UBE2R2: variants seen among roughly 807,000 people sequenced by gnomAD.
UBE2R2 encodes the protein ubiquitin-conjugating enzyme E2 R2.
Under a neutral mutation model 27.8 loss-of-function variants are expected in UBE2R2, and 1 was observed. The ratio of observed to expected loss-of-function variants is 0.04; its 90% CI spans 0.01 to 0.17. The LOEUF (loss-of-function observed/expected upper bound fraction) is 0.17. Ranked by LOEUF, UBE2R2 falls within the 10% of genes least tolerant of loss-of-function variation. The pLI is 1.00. For synonymous variants in UBE2R2, 106 were observed against 113.3 expected, an observed-to-expected ratio of 0.94 and a Z score of 0.41; for missense variants, 100 against 291.0, an observed-to-expected ratio of 0.34 and a Z score of 4.78.
chr9:33,817,489 T>G lies in UBE2R2; in HGVS notation c.-269T>G. On this transcript the variant is annotated 5_prime_UTR_variant, in exon 1 of 5. Transcript: ENST00000263228. ...GGGGGAGGCCCGGGACCGGGACCCG[T>G]AGCGAATTCTCCTAACTCCCTCGAC... The G allele has an allele frequency of 5.9e-6, 1 of 170,436 alleles. No individual in the cohort carries two copies. Among genetic ancestry groups the G allele is most frequent in the Non-Finnish European group, 1.2e-5 (1 of 83,334 alleles). 10.6% of individuals were successfully genotyped at this position (170,436 alleles called of 1,614,324 possible). A position where few individuals can be genotyped will look rare whatever the true frequency, so the allele number is the denominator to read the frequency against.
At chr9:33,898,782 T>TTAAA (rs1822181321) in intron 2 of UBE2R2, among the ~76,000 whole-genome samples, 1 of 152,094 alleles carries the variant, frequency 6.6e-6, no homozygotes, top group Non-Finnish European at 1.5e-5. Flanking sequence ...CAGAAAGAAG[T>TTAAA]TAAATAAATA....
intron 1 of UBE2R2, among the ~76,000 whole-genome samples, chr9:33,859,238 AT>A (rs1173348910): frequency 2.0e-4 from 30 of 152,314 alleles, no homozygotes; most frequent in Admixed American, 1.4e-3. Flanking sequence ...TCAAAATGTA[AT>A]TGTTACTATA....
chr9:33,839,427 G>A (rs13296565), intron 1 of UBE2R2, among the ~76,000 whole-genome samples: 1 of 152,032 alleles, frequency 6.6e-6, no homozygotes, highest in Non-Finnish European at 1.5e-5. Context: ...TAGTAGAGAC[G>A]GAGTTTCGCC....
chr9:33,886,994 T>G, intron 2 of UBE2R2, 27 bp downstream of exon 2: 2 of 1,562,916 alleles, frequency 1.3e-6, no homozygotes, highest in Non-Finnish European at 1.7e-6. Flanking sequence ...CATAAATTTC[T>G]CTGAAGATTT....
Position 33,817,616 on chromosome 9 carries a change from G to A in UBE2R2, c.-142G>A, listed in dbSNP as rs1372238414. On this transcript the variant is annotated 5_prime_UTR_variant, in exon 1 of 5. Transcript: ENST00000263228. Reference sequence around the variant, plus strand: ...GGGCCCACGGGCCGTGTGGGGCCTGGTCTGGCCCGCCGGGTGTGTGAAGAC... The same window carrying A: ...GGGCCCACGGGCCGTGTGGGGCCTGATCTGGCCCGCCGGGTGTGTGAAGAC... 2 of 1,029,096 alleles carry A rather than the reference G, an allele frequency of 1.9e-6. No individual in the cohort carries two copies. The highest frequency in any genetic ancestry group is 2.4e-6 in the Non-Finnish European group (2 of 842,190). 63.7% of individuals were successfully genotyped at this position (1,029,096 alleles called of 1,614,324 possible). A position where few individuals can be genotyped will look rare whatever the true frequency, so the allele number is the denominator to read the frequency against.
intron 1 of UBE2R2, among the ~76,000 whole-genome samples, chr9:33,863,127 G>A (rs2130769794): frequency 6.6e-6 from 1 of 150,430 alleles, no homozygotes. Context: ...GGCAGAGGTT[G>A]CAGTGAGCCA....
intron 3 of UBE2R2, among the ~76,000 whole-genome samples, chr9:33,905,522 CTG>C (rs1822335173): frequency 6.6e-6 from 1 of 152,232 alleles, no homozygotes. Flanking sequence ...CATTTAAAAA[CTG>C]TAGTTGTATT....
In UBE2R2 at chr9:33,885,923, A is replaced by AG. The variant is rs1587468891; in HGVS notation, c.178-957dup. Among the ~76,000 whole-genome samples the AG allele has an allele frequency of 5.3e-5, 8 of 152,322 alleles. No individual in the cohort carries two copies. The East Asian group carries it at 1.5e-3, about 29-fold the overall frequency. On this transcript the variant is annotated intron_variant, in intron 1 of 4. Transcript: ENST00000263228. ...CAGGATTTGTAACAGCAAAGGTGTGAGAAACAACCCAAATGCCCAAAATAA... is the reference window on the plus strand; with the variant it reads ...CAGGATTTGTAACAGCAAAGGTGTGAGGAAACAACCCAAATGCCCAAAATAA...
intron 2 of UBE2R2, among the ~76,000 whole-genome samples, chr9:33,899,278 C>T (rs989641134): frequency 7.9e-5 from 12 of 152,250 alleles, no homozygotes; most frequent in Admixed American, 4.6e-4. Flanking sequence ...TGGCTCACTG[C>T]AACCTCCGCC....
chr9:33,863,882 T>A (rs1444760361), intron 1 of UBE2R2, among the ~76,000 whole-genome samples: 1 of 152,030 alleles, frequency 6.6e-6, no homozygotes, highest in Non-Finnish European at 1.5e-5. Flanking sequence ...GAGATGGGAT[T>A]TCATCATGGC....
intron 1 of UBE2R2, among the ~76,000 whole-genome samples, chr9:33,840,199 C>T (rs1319753805): frequency 1.3e-5 from 2 of 152,010 alleles, no homozygotes; most frequent in African/African-American, 2.4e-5. Context: ...ATATCCATAT[C>T]CCCAGTTCAA....
intron 4 of UBE2R2, among the ~76,000 whole-genome samples, chr9:33,915,969 A>T (rs1822631657): frequency 6.6e-6 from 1 of 152,170 alleles, no homozygotes; most frequent in South Asian, 2.1e-4. Context: ...ACTGGTCCAG[A>T]CAGAAAAATC....
At chr9:33,827,577 T>C (rs1298282615) in intron 1 of UBE2R2, among the ~76,000 whole-genome samples, 1 of 151,430 alleles carries the variant, frequency 6.6e-6, no homozygotes. Context: ...GGAGGTGGAA[T>C]TTGCAGTAAG....
intron 1 of UBE2R2, among the ~76,000 whole-genome samples, chr9:33,868,919 G>T (rs563683994): frequency 1.3e-5 from 2 of 152,136 alleles, no homozygotes; most frequent in Non-Finnish European, 1.5e-5. Flanking sequence ...CTACTTAATA[G>T]TATGTTAATA....
chr9:33,849,085 T>A (rs967768719), intron 1 of UBE2R2, among the ~76,000 whole-genome samples: 1 of 151,626 alleles, frequency 6.6e-6, no homozygotes, highest in African/African-American at 2.4e-5. Context: ...GGAGAAACCT[T>A]GTTTCTACCA....
intron 2 of UBE2R2, among the ~76,000 whole-genome samples, chr9:33,890,904 G>A (rs1241112775): frequency 6.6e-6 from 1 of 152,068 alleles, no homozygotes; most frequent in Non-Finnish European, 1.5e-5. Flanking sequence ...CTTCTCACGT[G>A]ACTATTAACC....
chr9:33,905,888 A>T (rs140943776), intron 3 of UBE2R2, among the ~76,000 whole-genome samples: 104 of 152,308 alleles, frequency 6.8e-4, no homozygotes, highest in African/African-American at 2.5e-3. Context: ...CAGAGTCAGT[A>T]AGAGTGGTAG....
rs2130694890 is a variant in UBE2R2 at position 33,817,673 on chromosome 9, G to C, written c.-85G>C. On this transcript the variant is annotated 5_prime_UTR_variant, in exon 1 of 5. Transcript: ENST00000263228. ...CCGGTGCTGCCCGGCCGGAGGGCGA[G>C]CGGAGGGGAGGGGCCTGGTCCGGCC... 8.4e-7 allele frequency: 1 copy of C among 1,189,576 alleles called. No individual in the cohort carries two copies. Among genetic ancestry groups the C allele is most frequent in the African/African-American group, 1.6e-5 (1 of 61,382 alleles). The allele number at this position is 1,189,576 out of a possible 1,614,324, so 73.7% of individuals were successfully genotyped here.
chr9:33,873,559 C>G (rs6476426), intron 1 of UBE2R2, among the ~76,000 whole-genome samples: 40,337 of 152,036 alleles, frequency 0.27, 5,539 homozygotes, highest in South Asian at 0.41. Flanking sequence ...CTAAGGCTAT[C>G]AAACTTCTTA....
Sources: allele counts gnomAD v4.1 joint callset (sites outside exome capture counted in the v4.1 genomes callset), GRCh38; gene constraint gnomAD v4.1.1; transcripts MANE v1.5; gene names NCBI Gene and HGNC (gene_info 2026-07-23, HGNC 2026-07-21).